SCYL1: variants seen among roughly 807,000 people sequenced by gnomAD.
SCYL1 encodes the protein N-terminal kinase-like protein.
Under a neutral mutation model 94.8 loss-of-function variants are expected in SCYL1, and 85 were observed. The observed-to-expected ratio is 0.90, with a 90% CI of 0.75 to 1.07. SCYL1 has a LOEUF of 1.07. Among genes scored for constraint, SCYL1 ranks in the 50% least tolerant of loss-of-function variants. SCYL1 has a pLI of 0.00. For synonymous variants in SCYL1, 459 were observed against 435.5 expected, an observed-to-expected ratio of 1.05 and a Z score of -0.67; for missense variants, 968 against 1,083.3, an observed-to-expected ratio of 0.89 and a Z score of 1.49.
Position 65,526,914 on chromosome 11 carries a change from C to G in SCYL1, c.693+41C>G. On this transcript the variant is annotated intron_variant, in intron 5 of 17. Transcript: ENST00000270176. The surrounding 1 kb of genome is among the most constrained non-coding windows in gnomAD (Gnocchi z 4.1). ...CTGGCTCTTTGCCCTGCCTCAGCCC[C>G]TCTGCCAGCTGGCTACCCCTGCCCT... 6.2e-7 allele frequency: 1 copy of G among 1,611,074 alleles called. No homozygotes were observed. The highest frequency in any genetic ancestry group is 8.5e-7 in the Non-Finnish European group (1 of 1,178,038).
chr11:65,531,476 T>A, intron 7 of SCYL1, 100 bp from the exon 8 acceptor site: 3 of 850,346 alleles, frequency 3.5e-6, no homozygotes, highest in Non-Finnish European at 3.9e-6. Context: ...CCGCCATCAC[T>A]TCATTCCCAC....
Position 65,525,182 on chromosome 11 carries a change from G to A in SCYL1, c.29G>A (p.Arg10Gln), listed in dbSNP as rs748526048. 12 of 1,444,058 alleles carry A rather than the reference G, an allele frequency of 8.3e-6. No individual in the cohort carries two copies. The highest frequency in any genetic ancestry group is 2.8e-5 in the Admixed American group (1 of 36,070). 89.5% of individuals were successfully genotyped at this position (1,444,058 alleles called of 1,614,324 possible). Residue 10 changes from arginine to glutamine, a missense_variant, in exon 1 of 18, where the codon CGG becomes CAG. By Grantham distance (43) the Arg-to-Gln change is conservative. Coordinates refer to ENST00000270176, the MANE Select transcript of SCYL1 (RefSeq NM_020680.4). MWFFARDPV[R>Q]DFPFELIPEP... ...TGGTTCTTTGCCCGGGACCCGGTCC[G>A]GGACTTTCCGTTCGAGCTCATCCCG...
chr11:65,530,743 G>T lies in SCYL1; in HGVS notation c.964G>T (p.Glu322Ter). Residue 322 changes from glutamate to a stop codon, truncating the protein, a stop_gained, in exon 7 of 18, where the codon GAG becomes TAG. Coordinates refer to ENST00000270176, the MANE Select transcript of SCYL1 (RefSeq NM_020680.4). LOFTEE classifies it high-confidence loss of function. ...KVLPQLLTAF[E>*]FGNAGAVVLT... Reference sequence around the variant, plus strand: ...GCTGCCCCAGCTGCTGACCGCCTTCGAGTTCGGCAATGCTGGGGCCGTTGT... The same window carrying T: ...GCTGCCCCAGCTGCTGACCGCCTTCTAGTTCGGCAATGCTGGGGCCGTTGT... 1 of 1,613,928 alleles carries T rather than the reference G, an allele frequency of 6.2e-7. No homozygotes were observed. Among genetic ancestry groups the T allele is most frequent in the Non-Finnish European group, 8.5e-7 (1 of 1,179,990 alleles).
In SCYL1 at chr11:65,536,982, C is replaced by T; in HGVS notation, c.1817-4C>T. On this transcript the variant is annotated splice_polypyrimidine_tract_variant and splice_region_variant and intron_variant, in intron 13 of 17. Coordinates refer to ENST00000270176, the MANE Select transcript of SCYL1 (RefSeq NM_020680.4). ...TGAAAGCTCAGTGAGCCTCTGCTCC[C>T]CAGGAGTTCCTGCCCCAGCCCCCAC... 1 of 1,610,768 alleles carries T rather than the reference C, an allele frequency of 6.2e-7. No homozygotes were observed. The highest frequency in any genetic ancestry group is 8.5e-7 in the Non-Finnish European group (1 of 1,177,150).
rs760340259 is a variant in SCYL1, at chr11:65,525,666, C to T, written c.204C>T (p.Phe68=). ...TGGCCAAAGCTGCCTTCAAGCGCTT[C>T]AAAACTCTACGGCACCCCAACATCC... ...TQVAKAAFKR[F]KTLRHPNILA... The change falls in exon 2 of 18, where the codon TTC becomes TTT. Residue 68 remains phenylalanine (F), a synonymous_variant. Transcript: ENST00000270176. 6 of 1,612,848 alleles carry T rather than the reference C, an allele frequency of 3.7e-6. No individual in the cohort carries two copies. The highest frequency in any genetic ancestry group is 3.3e-5 in the Admixed American group (2 of 60,020).
chr11:65,538,236 T>C (rs778203615), intron 16 of SCYL1, 34 bp from the exon 17 acceptor site: 2 of 1,554,550 alleles, frequency 1.3e-6, no homozygotes, highest in Non-Finnish European at 1.7e-6. Context: ...CAGCCAGAAG[T>C]GGGCCCCACT....
intron 7 of SCYL1, 38 bp downstream of exon 7, chr11:65,530,825 G>A (rs890115034): frequency 5.7e-6 from 9 of 1,575,008 alleles, no homozygotes; most frequent in Non-Finnish European, 7.7e-6. Flanking sequence ...CTGGCTGGGT[G>A]CACAGGAACT....
intron 6 of SCYL1, among the ~76,000 whole-genome samples, chr11:65,529,388 C>T (rs1303641724): frequency 1.3e-5 from 2 of 152,170 alleles, no homozygotes; most frequent in African/African-American, 4.8e-5. Flanking sequence ...GTTTCGGGAG[C>T]CTCCAGGAGA....
rs1565077237 is a variant in SCYL1, at chr11:65,535,953, A to G, written c.1387A>G (p.Thr463Ala). The change falls in exon 11 of 18, where the codon ACC becomes GCC. Residue 463 changes from threonine to alanine, a missense_variant and splice_region_variant. By Grantham distance (58) the Thr-to-Ala change is moderately conservative. Around this residue, in one of 2 missense-constraint regions of SCYL1, gnomAD observed 474 missense variants for 463.6 expected, o/e 1.02. Transcript: ENST00000270176. ...GKIGSYLSAS[T>A]RHRVLTSAFS... The stretch of plus-strand genomic sequence containing the variant: ...AGCCCTCTTTCCTGCCCCATCGTAG[A>G]CCAGACACAGGGTCCTTACCTCTGC... The G allele has an allele frequency of 6.3e-7, 1 of 1,582,384 alleles. No homozygotes were observed. The highest frequency in any genetic ancestry group is 8.6e-7 in the Non-Finnish European group (1 of 1,163,468).
Position 65,530,756 on chromosome 11 carries a change from C to G in SCYL1, c.977C>G (p.Ala326Gly), listed in dbSNP as rs371177254. The G allele has an allele frequency of 3.1e-6, 5 of 1,613,446 alleles. No individual in the cohort carries two copies. In the African/African-American group the frequency reaches 5.3e-5, roughly 17 times the overall value. ...QLLTAFEFGN[A>G]GAVVLTPLFK... is the part of the protein sequence containing the mutation. ...CTGACCGCCTTCGAGTTCGGCAATG[C>G]TGGGGCCGTTGTCCTCACGCCCCTC... Residue 326 changes from alanine to glycine, a missense_variant, in exon 7 of 18, where the codon GCT (alanine) becomes GGT (glycine). Transcript: ENST00000270176.
intron 14 of SCYL1, 99 bp from the exon 15 acceptor site, chr11:65,537,710 A>G (rs935421772): frequency 1.8e-4 from 190 of 1,083,506 alleles, no homozygotes; most frequent in South Asian, 1.3e-3. Flanking sequence ...GGAGGAAGGC[A>G]AAAGACAGTG....
At position 65,526,289 on chromosome 11, in the gene SCYL1, C is replaced by A; in HGVS notation, c.541C>A (p.Leu181Ile). 6.2e-7 allele frequency: 1 copy of A among 1,612,258 alleles called. No individual in the cohort carries two copies. The highest frequency in any genetic ancestry group is 8.5e-7 in the Non-Finnish European group (1 of 1,179,344). ...GGPPRKGIPELEQYDPPELAD... is the reference protein window; with the variant it reads ...GGPPRKGIPEIEQYDPPELAD... Reference sequence around the variant, plus strand: ...ACCTCCCCGCAAGGGGATCCCCGAGCTTGAGCAGTATGACCCCCCGGAGTT... The same window carrying A: ...ACCTCCCCGCAAGGGGATCCCCGAGATTGAGCAGTATGACCCCCCGGAGTT... Residue 181 changes from leucine (L) to isoleucine (I), a missense_variant, in exon 4 of 18, where the codon CTT becomes ATT. Leu to Ile is a conservative substitution (Grantham distance 5, BLOSUM62 2). Around this residue, in one of 2 missense-constraint regions of SCYL1, gnomAD observed 494 missense variants for 619.7 expected, o/e 0.80. Coordinates refer to ENST00000270176, the MANE Select transcript of SCYL1 (RefSeq NM_020680.4). The surrounding 1 kb of genome is among the most constrained non-coding windows in gnomAD (Gnocchi z 4.1).
At chr11:65,534,906 G>T (rs771924847) in intron 9 of SCYL1, among the ~76,000 whole-genome samples, 8 of 152,164 alleles carry the variant, frequency 5.3e-5, no homozygotes, top group African/African-American at 1.9e-4. Flanking sequence ...TAGTACCGGG[G>T]AGGGCATCAG....
chr11:65,536,526 C>A, intron 12 of SCYL1, 60 bp from the exon 13 acceptor site: 2 of 1,579,184 alleles, frequency 1.3e-6, no homozygotes, highest in Non-Finnish European at 8.7e-7. Flanking sequence ...TTCCTGCTGT[C>A]CTGTCACCCA....
In SCYL1 at chr11:65,535,271, T is replaced by C. The variant is rs550059923; in HGVS notation, c.1275T>C (p.Asn425=). 1.5e-5 allele frequency: 24 copies of C among 1,614,214 alleles called. No individual in the cohort carries two copies. The Admixed American group carries it at 2.8e-4, about 19-fold the overall frequency. Reference sequence around the variant, plus strand: ...CAAAGCTGAACGAGGCCAACCTCAATGTGGAGCTGATGAAGCACTTTGCAC... The same window carrying C: ...CAAAGCTGAACGAGGCCAACCTCAACGTGGAGCTGATGAAGCACTTTGCAC... ...LAPKLNEANL[N]VELMKHFARL... Residue 425 remains asparagine, a synonymous_variant, in exon 10 of 18, where the codon AAT becomes AAC. Coordinates refer to ENST00000270176, the MANE Select transcript of SCYL1 (RefSeq NM_020680.4).
Position 65,526,168 on chromosome 11 carries a change from CAAT to C in SCYL1, c.421_423del (p.Asn141del), listed in dbSNP as rs1855066235. The C allele has an allele frequency of 1.9e-6, 3 of 1,613,234 alleles. No individual in the cohort carries two copies. Among genetic ancestry groups the C allele is most frequent in the East Asian group, 2.2e-5 (1 of 44,890 alleles). On this transcript the variant is annotated inframe_deletion, in exon 4 of 18. Coordinates refer to ENST00000270176, the MANE Select transcript of SCYL1 (RefSeq NM_020680.4). This position sits in a 1 kb window ranked among gnomAD's most constrained non-coding sequence, Gnocchi z 4.1. ...TCAACGACTGCAGCCTCATCCACAA[CAAT>C]GTCTGCATGGCCGCCGTGTTCGTGG...
At position 65,536,260 on chromosome 11, in the gene SCYL1, C is replaced by A; in HGVS notation, c.1577C>A (p.Ala526Asp). 6.2e-7 allele frequency: 1 copy of A among 1,614,030 alleles called. No homozygotes were observed. The highest frequency in any genetic ancestry group is 8.5e-7 in the Non-Finnish European group (1 of 1,179,874). ...VDPEKSVRDQ[A>D]FKAIRSFLSK... ...CAGCTCTGCCTCGTTACCCCACAGG[C>A]CTTCAAGGCCATTCGGAGCTTCCTG... The change falls in exon 12 of 18, where the codon GCC (alanine) becomes GAC (aspartate). Residue 526 changes from alanine to aspartate, a missense_variant and splice_region_variant. By Grantham distance (126) the Ala-to-Asp change is moderately radical. Around this residue, in one of 2 missense-constraint regions of SCYL1, gnomAD observed 474 missense variants for 463.6 expected, o/e 1.02. Coordinates refer to ENST00000270176, the MANE Select transcript of SCYL1 (RefSeq NM_020680.4).
In SCYL1 at chr11:65,525,609, T is replaced by C. The variant is rs751832886; in HGVS notation, c.147T>C (p.Asp49=). ...TGSPVSIFVY[D]VKPGAEEQTQ... is the part of the protein sequence containing the mutation. ...GCCCCGTGTCCATCTTCGTCTATGA[T>C]GTGAAGCCTGGCGCGGAAGAGCAGA... The change falls in exon 2 of 18, where the codon GAT becomes GAC. Residue 49 remains aspartate, a synonymous_variant. Coordinates refer to ENST00000270176, the MANE Select transcript of SCYL1 (RefSeq NM_020680.4). 1 of 1,612,728 alleles carries C rather than the reference T, an allele frequency of 6.2e-7. No homozygotes were observed. Among genetic ancestry groups the C allele is most frequent in the South Asian group, 1.1e-5 (1 of 91,082 alleles).
rs1855623298 is a variant in SCYL1 at position 65,536,066 on chromosome 11, G to C, written c.1500G>C (p.Met500Ile). 6.2e-7 allele frequency: 1 copy of C among 1,614,070 alleles called. No homozygotes were observed. The highest frequency in any genetic ancestry group is 8.5e-7 in the Non-Finnish European group (1 of 1,180,030). Residue 500 changes from methionine to isoleucine, a missense_variant, in exon 11 of 18, where the codon ATG (methionine) becomes ATC (isoleucine). Around this residue, in one of 2 missense-constraint regions of SCYL1, gnomAD observed 474 missense variants for 463.6 expected, o/e 1.02. Transcript: ENST00000270176. ...CTGCCACCCACAACCTCTACTCAAT[G>C]AACGACTGTGCCCAGAAGATCCTGC... ...GFAATHNLYSMNDCAQKILPV... is the reference protein window; with the variant it reads ...GFAATHNLYSINDCAQKILPV...
Sources: allele counts gnomAD v4.1 joint callset (sites outside exome capture counted in the v4.1 genomes callset), GRCh38; gene constraint gnomAD v4.1.1; regional missense constraint gnomAD v4.1.1; non-coding constraint Gnocchi (gnomAD v3.1); transcripts MANE v1.5; gene names NCBI Gene and HGNC (gene_info 2026-07-23, HGNC 2026-07-21).